The following SMIM41 variants were observed in gnomAD, a reference collection of about 807,000 sequenced individuals.
SMIM41 encodes small integral membrane protein 41.
intron 2 of SMIM41, among the ~76,000 whole-genome samples, chr12:52,095,629 C>A (rs1378583901): frequency 6.6e-5 from 10 of 151,874 alleles, no homozygotes; most frequent in Admixed American, 6.6e-4. Context: ...CCACCCCATG[C>A]GATATTGAAA....
chr12:52,096,249 A>G (rs1261063235), intron 2 of SMIM41, among the ~76,000 whole-genome samples: 1 of 151,852 alleles, frequency 6.6e-6, no homozygotes, highest in African/African-American at 2.4e-5. Context: ...GAGTAATAGC[A>G]TTCTCTTCTT....
At position 52,107,606 on chromosome 12, in the gene SMIM41, C is replaced by T. The variant is rs988825624; in HGVS notation, c.*423C>T. Reference sequence around the variant, plus strand: ...ACATCCAGTCTCGCAGCAGAGTCATCTCCTATGCAGGCTGCCTGACTCAGA... The same window carrying T: ...ACATCCAGTCTCGCAGCAGAGTCATTTCCTATGCAGGCTGCCTGACTCAGA... On this transcript the variant is annotated 3_prime_UTR_variant, in exon 3 of 3. Coordinates refer to ENST00000546390, the MANE Select transcript of SMIM41 (RefSeq NM_001369216.1). The T allele has an allele frequency of 1.6e-6, 1 of 638,106 alleles. No homozygotes were observed. The highest frequency in any genetic ancestry group is 1.9e-5 in the Admixed American group (1 of 52,182). 39.5% of individuals were successfully genotyped at this position (638,106 alleles called of 1,614,324 possible).
chr12:52,094,947 GTT>G (rs532917943), intron 2 of SMIM41: 7 of 132,186 alleles, frequency 5.3e-5, no homozygotes, highest in Non-Finnish European at 9.6e-5. Context: ...CCTGCCCCCT[GTT>G]TTTTTTTTTT....
chr12:52,096,998 T>C (rs747370260), intron 2 of SMIM41, among the ~76,000 whole-genome samples: 20 of 152,058 alleles, frequency 1.3e-4, no homozygotes, highest in Non-Finnish European at 2.6e-4. Flanking sequence ...GGTGTAGACC[T>C]ACCCTGTGAT....
intron 1 of SMIM41, among the ~76,000 whole-genome samples, chr12:52,080,765 C>T (rs1357585965): frequency 2.6e-5 from 4 of 152,156 alleles, no homozygotes. Flanking sequence ...CCTCTTGAGA[C>T]AGGGAGGGGA....
chr12:52,082,892 G>T (rs1839196916), intron 1 of SMIM41, among the ~76,000 whole-genome samples: 1 of 152,202 alleles, frequency 6.6e-6, no homozygotes, highest in South Asian at 2.1e-4. Flanking sequence ...CAGCAAGAGA[G>T]CCTGCTCTCC....
chr12:52,085,791 C>T (rs1304935113), intron 2 of SMIM41, among the ~76,000 whole-genome samples: 1 of 152,180 alleles, frequency 6.6e-6, no homozygotes, highest in African/African-American at 2.4e-5. Context: ...AAGCAGAGGG[C>T]TGTCTGTGCA....
At chr12:52,107,066 T>TGAA (rs1316674318) in intron 2 of SMIM41, among the ~76,000 whole-genome samples, 2 of 152,226 alleles carry the variant, frequency 1.3e-5, no homozygotes, top group Admixed American at 1.3e-4. Context: ...TTTATGATGA[T>TGAA]CTGGTTCTTG....
At chr12:52,083,255 GC>G (rs141773258) in intron 1 of SMIM41, among the ~76,000 whole-genome samples, 5,240 of 152,222 alleles carry the variant, frequency 0.034, 122 homozygotes, top group Non-Finnish European at 0.05. Context: ...ACAGTGACCG[GC>G]CCCTGCTGCA....
chr12:52,086,145 G>A (rs1939889809), intron 2 of SMIM41, among the ~76,000 whole-genome samples: 1 of 152,210 alleles, frequency 6.6e-6, no homozygotes, highest in Admixed American at 6.5e-5. Context: ...AGCCCGAGGA[G>A]TGGGCTCTCT....
chr12:52,096,923 C>T (rs1462490986), intron 2 of SMIM41, among the ~76,000 whole-genome samples: 1 of 152,070 alleles, frequency 6.6e-6, no homozygotes, highest in Non-Finnish European at 1.5e-5. Context: ...GTGTACATCC[C>T]TTCTGTGATC....
At position 52,102,236 on chromosome 12, in the gene SMIM41, G is replaced by A. The variant is rs1940229831; in HGVS notation, c.*196-5143G>A. Among the ~76,000 whole-genome samples, 3 of 152,170 alleles carry A rather than the reference G, an allele frequency of 2.0e-5. No homozygotes were observed. In the South Asian group the frequency reaches 6.2e-4, roughly 32 times the overall value. ...CCAGGTGCAAAAATTAACACAAACTGGATCAAAGACCTCACCCCAAGTGCT... is the reference window on the plus strand; with the variant it reads ...CCAGGTGCAAAAATTAACACAAACTAGATCAAAGACCTCACCCCAAGTGCT... On this transcript the variant is annotated intron_variant, in intron 2 of 2. Coordinates refer to ENST00000546390, the MANE Select transcript of SMIM41 (RefSeq NM_001369216.1).
At chr12:52,086,499 C>T (rs779081494) in intron 2 of SMIM41, among the ~76,000 whole-genome samples, 10 of 152,178 alleles carry the variant, frequency 6.6e-5, no homozygotes, top group African/African-American at 9.7e-5. Context: ...AAAACAAACA[C>T]GCAAAAAGGA....
chr12:52,083,702 T>C (rs1029713834), intron 1 of SMIM41, among the ~76,000 whole-genome samples, 192 bp from the exon 2 acceptor site: 8 of 152,234 alleles, frequency 5.3e-5, no homozygotes, highest in Admixed American at 2.0e-4. Context: ...GTGGGTATCG[T>C]GAGCATGTGC....
intron 1 of SMIM41, among the ~76,000 whole-genome samples, chr12:52,082,917 G>A (rs959939576): frequency 6.6e-6 from 1 of 152,138 alleles, no homozygotes. Flanking sequence ...GCCACTCTGG[G>A]GATCCCCTGC....
At chr12:52,082,457 T>A (rs1468654279) in intron 1 of SMIM41, among the ~76,000 whole-genome samples, 2 of 152,084 alleles carry the variant, frequency 1.3e-5, no homozygotes, top group Non-Finnish European at 2.9e-5. Flanking sequence ...GGGACCTCAG[T>A]GTTCCTGTGG....
chr12:52,081,800 C>T lies in SMIM41; in HGVS notation c.*120+1619C>T, dbSNP rs1565664405. 6.6e-6 allele frequency among the ~76,000 whole-genome samples: 1 copy of T among 152,154 alleles called. No individual in the cohort carries two copies. The highest frequency in any genetic ancestry group is 1.5e-5 in the Non-Finnish European group (1 of 68,020). ...CCCCTTTCTTTTACACGCGGGAGAACAGTAAGTGACATGCTCACATGAATG... is the reference window on the plus strand; with the variant it reads ...CCCCTTTCTTTTACACGCGGGAGAATAGTAAGTGACATGCTCACATGAATG... On this transcript the variant is annotated intron_variant, in intron 1 of 2. Coordinates refer to ENST00000546390, the MANE Select transcript of SMIM41 (RefSeq NM_001369216.1). This position sits in a 1 kb window ranked among gnomAD's most constrained non-coding sequence, Gnocchi z 4.1.
intron 2 of SMIM41, among the ~76,000 whole-genome samples, chr12:52,104,572 C>T (rs977329985): frequency 1.4e-4 from 22 of 151,968 alleles, no homozygotes; most frequent in Admixed American, 3.9e-4. Context: ...GTATCCTCAT[C>T]CTCAGGAAAA....
intron 2 of SMIM41, chr12:52,094,595 G>C (rs1379792446): frequency 6.6e-6 from 1 of 152,572 alleles, no homozygotes; most frequent in East Asian, 1.9e-4. Flanking sequence ...TGTACCCCCT[G>C]GGATGTTGGT....
Sources: gnomAD v4.1 joint callset for allele counts (sites outside exome capture counted in the v4.1 genomes callset) on GRCh38, gnomAD v4.1.1 for gene constraint, Gnocchi (gnomAD v3.1) non-coding constraint, MANE v1.5 for transcripts, NCBI Gene and HGNC (gene_info 2026-07-23, HGNC 2026-07-21) for gene names.